Variants in DPP10 observed in about 807,000 individuals in gnomAD.
DPP10 encodes the protein dipeptidyl peptidase like 10, also known as inactive dipeptidyl peptidase 10.
DPP10 carries 33 observed loss-of-function variants against 120.9 expected under a neutral mutation model. The ratio of observed to expected loss-of-function variants is 0.27; its 90% confidence interval spans 0.21 to 0.37. DPP10 has a LOEUF of 0.37. Ranked by LOEUF, DPP10 falls within the 10% of genes least tolerant of loss-of-function variation. DPP10 has a pLI of 1.00. For missense variants in DPP10, 816 were observed against 942.8 expected (o/e 0.87, Z 1.76); for synonymous variants, 337 against 326.1 (o/e 1.03, Z -0.36).
intron 2 of DPP10, among the ~76,000 whole-genome samples, chr2:115,310,624 C>G (rs993633537): frequency 1.3e-5 from 2 of 152,082 alleles, no homozygotes; most frequent in Non-Finnish European, 2.9e-5. Flanking sequence ...CCGGCATTCT[C>G]CCCAGGAACC....
chr2:114,652,686 C>T (rs1696680411), intron 1 of DPP10, among the ~76,000 whole-genome samples: 1 of 152,140 alleles, frequency 6.6e-6, no homozygotes, highest in Non-Finnish European at 1.5e-5. Flanking sequence ...TCTATAAATG[C>T]CAGATACATT....
chr2:114,650,497 CATT>C (rs890657116), intron 1 of DPP10, among the ~76,000 whole-genome samples: 19 of 152,306 alleles, frequency 1.2e-4, no homozygotes, highest in African/African-American at 4.6e-4. Flanking sequence ...ACATACCCAT[CATT>C]AAGTGTGCTT....
intron 3 of DPP10, chr2:115,468,211 G>A: frequency 6.0e-6 from 3 of 496,138 alleles, no homozygotes; most frequent in South Asian, 4.4e-5. Flanking sequence ...TAAATCTGAA[G>A]AGGACTCAGG....
At position 115,794,283 on chromosome 2, in the gene DPP10, T is replaced by C. The variant is rs148772602; in HGVS notation, c.1700+2927T>C. Among the ~76,000 whole-genome samples the C allele has an allele frequency of 5.3e-3, 811 of 152,254 alleles. 10 individuals carry two copies. The highest frequency in any genetic ancestry group is 0.019 in the African/African-American group (781 of 41,562). On this transcript the variant is annotated intron_variant, in intron 19 of 25. Transcript: ENST00000410059. ...TACATCCAAGGAATTATATAATGAA[T>C]GCATGAGTTAGCGTCAGGCTGCAGC...
chr2:115,715,995 C>G (rs896921727), intron 7 of DPP10, among the ~76,000 whole-genome samples: 3 of 152,170 alleles, frequency 2.0e-5, no homozygotes, highest in African/African-American at 7.2e-5. Context: ...CATATTTATG[C>G]AATGGCAAGT....
chr2:115,495,526 A>G (rs79125949), intron 3 of DPP10, among the ~76,000 whole-genome samples: 3,229 of 152,220 alleles, frequency 0.021, 55 homozygotes, highest in Non-Finnish European at 0.034. Flanking sequence ...CTTAATTTCA[A>G]TACCACATTG....
chr2:115,251,909 A>G (rs2058769209), intron 1 of DPP10, among the ~76,000 whole-genome samples: 1 of 152,172 alleles, frequency 6.6e-6, no homozygotes, highest in African/African-American at 2.4e-5. Flanking sequence ...TTTTAGGTAG[A>G]TTTTCTCTGG....
At chr2:114,873,952 G>C (rs931670979) in intron 1 of DPP10, among the ~76,000 whole-genome samples, 3 of 152,142 alleles carry the variant, frequency 2.0e-5, no homozygotes, top group Admixed American at 1.3e-4. Flanking sequence ...TATTCAACCT[G>C]CTCAACGAAC....
intron 1 of DPP10, among the ~76,000 whole-genome samples, chr2:114,749,791 C>T (rs1008714856): frequency 2.0e-5 from 3 of 151,778 alleles, no homozygotes; most frequent in South Asian, 2.1e-4. Flanking sequence ...AAGAGAAAAG[C>T]GTTAGTACAC....
intron 5 of DPP10, among the ~76,000 whole-genome samples, chr2:115,646,065 C>CGCACAT (rs1447270285): frequency 1.3e-5 from 2 of 152,060 alleles, no homozygotes; most frequent in East Asian, 1.9e-4. Context: ...CACACACACA[C>CGCACAT]GCACATGCAC....
intron 1 of DPP10, among the ~76,000 whole-genome samples, chr2:114,599,544 G>A (rs922114409): frequency 2.0e-5 from 3 of 151,634 alleles, no homozygotes; most frequent in Non-Finnish European, 4.4e-5. Flanking sequence ...GTGGTTTGGG[G>A]CACTGATCGT....
chr2:115,571,016 G>A (rs973793744), intron 5 of DPP10, among the ~76,000 whole-genome samples: 2 of 152,202 alleles, frequency 1.3e-5, no homozygotes, highest in Non-Finnish European at 2.9e-5. Context: ...TGGAAATGCA[G>A]AGGCAGTCAC....
chr2:115,585,286 A>G (rs1332264938), intron 5 of DPP10, among the ~76,000 whole-genome samples: 1 of 152,238 alleles, frequency 6.6e-6, no homozygotes, highest in East Asian at 1.9e-4. Flanking sequence ...TTAACAAATT[A>G]CAATGATTAA....
At chr2:115,377,459 G>C (rs1343861903) in intron 3 of DPP10, among the ~76,000 whole-genome samples, 1 of 152,078 alleles carries the variant, frequency 6.6e-6, no homozygotes, top group African/African-American at 2.4e-5. Flanking sequence ...TTAACCCTTT[G>C]TCAGATGAGT....
chr2:115,448,139 G>A (rs1248904204), intron 3 of DPP10, among the ~76,000 whole-genome samples: 6 of 152,120 alleles, frequency 3.9e-5, no homozygotes, highest in Admixed American at 2.0e-4. Context: ...TTATGGGAAC[G>A]GTGAAGTTTT....
At chr2:115,688,705 T>C (rs1363757195) in intron 5 of DPP10, among the ~76,000 whole-genome samples, 1 of 152,140 alleles carries the variant, frequency 6.6e-6, no homozygotes, top group Admixed American at 6.6e-5. Context: ...CATCATCTCA[T>C]TATTAAGAAG....
intron 1 of DPP10, among the ~76,000 whole-genome samples, chr2:115,101,781 T>C (rs996998008): frequency 6.6e-6 from 1 of 152,244 alleles, no homozygotes; most frequent in African/African-American, 2.4e-5. Flanking sequence ...TCATGGGGTT[T>C]ATTTACACTT....
At chr2:114,466,151 T>G (rs1452627445) in intron 1 of DPP10, among the ~76,000 whole-genome samples, 2 of 152,236 alleles carry the variant, frequency 1.3e-5, no homozygotes, top group African/African-American at 2.4e-5. Flanking sequence ...ATTATGGACC[T>G]GTCATACTAA....
chr2:114,472,194 T>C (rs1679977790), intron 1 of DPP10, among the ~76,000 whole-genome samples: 1 of 152,150 alleles, frequency 6.6e-6, no homozygotes, highest in Non-Finnish European at 1.5e-5. Flanking sequence ...TTCTCATATC[T>C]TTTTGACAGA....
Sources: allele counts gnomAD v4.1 joint callset (sites outside exome capture counted in the v4.1 genomes callset), GRCh38; gene constraint gnomAD v4.1.1; transcripts MANE v1.5; gene names NCBI Gene and HGNC (gene_info 2026-07-23, HGNC 2026-07-21).